Variants in REV3L observed in about 807,000 individuals in gnomAD.
REV3L encodes the protein REV3 like, DNA directed polymerase zeta catalytic subunit, also known as DNA polymerase zeta catalytic subunit.
A neutral mutation model predicts 299.4 loss-of-function variants in REV3L; 69 were observed. The observed-to-expected ratio is 0.23, with a 90% CI of 0.19 to 0.28. The LOEUF (loss-of-function observed/expected upper bound fraction) is 0.28, where lower values mean the gene tolerates loss of function less well. Among genes scored for constraint, REV3L ranks in the 10% least tolerant of loss-of-function variants. REV3L has a pLI of 1.00. For missense variants in REV3L, 3,128 were observed against 3,693.8 expected (o/e 0.85, Z 3.97); for synonymous variants, 1,238 against 1,271.4 (o/e 0.97, Z 0.56).
At chr6:111,340,697 AAAGTT>A (rs1776392294) in intron 21 of REV3L, among the ~76,000 whole-genome samples, 1 of 152,152 alleles carries the variant, frequency 6.6e-6, no homozygotes. Flanking sequence ...GTATTCACTT[AAAGTT>A]AAGAATGTAC....
At chr6:111,427,758 C>G (rs1443240062) in intron 1 of REV3L, among the ~76,000 whole-genome samples, 1 of 152,160 alleles carries the variant, frequency 6.6e-6, no homozygotes, top group Admixed American at 6.5e-5. Context: ...TATCCCTGTC[C>G]TAATAACTGG....
intron 21 of REV3L, among the ~76,000 whole-genome samples, chr6:111,342,628 A>C (rs944631260): frequency 4.0e-5 from 6 of 151,320 alleles, no homozygotes; most frequent in African/African-American, 9.7e-5. Context: ...AGACTGTGCC[A>C]CTGCACTCCA....
chr6:111,400,763 T>C (rs1488024664), intron 4 of REV3L, among the ~76,000 whole-genome samples: 1 of 152,192 alleles, frequency 6.6e-6, no homozygotes, highest in Non-Finnish European at 1.5e-5. Context: ...TTTGGTGTCA[T>C]ATCTAAAACT....
chr6:111,410,373 T>C (rs1385384814), intron 3 of REV3L, among the ~76,000 whole-genome samples: 1 of 152,238 alleles, frequency 6.6e-6, no homozygotes, highest in Non-Finnish European at 1.5e-5. Flanking sequence ...ATTGTATTTA[T>C]AATTTGTTTA....
At chr6:111,323,766 C>A (rs1774449011) in intron 25 of REV3L, among the ~76,000 whole-genome samples, 1 of 152,110 alleles carries the variant, frequency 6.6e-6, no homozygotes, top group African/African-American at 2.4e-5. Context: ...TGGAGCATTC[C>A]TTTTGCAATT....
intron 19 of REV3L, among the ~76,000 whole-genome samples, chr6:111,350,329 G>A (rs969782631): frequency 1.3e-5 from 2 of 152,004 alleles, no homozygotes; most frequent in African/African-American, 4.8e-5. Flanking sequence ...TTAAAAGTTT[G>A]TTTTTCATTT....
At chr6:111,361,431 C>CAAAAAAAAAAAAAA (rs1251828373) in intron 16 of REV3L, 1 of 106,974 alleles carries the variant, frequency 9.3e-6, no homozygotes, top group East Asian at 2.8e-4. Context: ...AAAAAAAAAA[C>CAAAAAAAAAAAAAA]AAAAAAAAAA....
intron 21 of REV3L, among the ~76,000 whole-genome samples, chr6:111,340,143 T>C (rs1252018602): frequency 6.6e-6 from 1 of 152,152 alleles, no homozygotes; most frequent in Non-Finnish European, 1.5e-5. Flanking sequence ...AATTCACTTA[T>C]TCTGAAGTTT....
At chr6:111,478,418 G>A (rs1793200956) in intron 1 of REV3L, among the ~76,000 whole-genome samples, 1 of 152,106 alleles carries the variant, frequency 6.6e-6, no homozygotes, top group Non-Finnish European at 1.5e-5. Context: ...ATTTGTTTGT[G>A]ATGAGTCATT....
At chr6:111,397,090 ATT>A (rs74625603) in intron 4 of REV3L, among the ~76,000 whole-genome samples, 1 of 140,084 alleles carries the variant, frequency 7.1e-6, no homozygotes. Context: ...GATCTTTTGT[ATT>A]TTTTTTTTTA....
At chr6:111,483,237 GA>G, upstream of REV3L, 1 of 476,024 alleles carries the variant, frequency 2.1e-6, no homozygotes, top group Non-Finnish European at 3.7e-6. Context: ...CCACTGGGGG[GA>G]GGGGAGAGGG....
intron 4 of REV3L, among the ~76,000 whole-genome samples, chr6:111,402,516 A>T (rs543491172): frequency 6.6e-6 from 1 of 152,230 alleles, no homozygotes; most frequent in Non-Finnish European, 1.5e-5. Context: ...GCACTTCTTT[A>T]TTGTTCATAA....
At chr6:111,361,553 T>C (rs527823726) in intron 16 of REV3L, 1 of 152,230 alleles carries the variant, frequency 6.6e-6, no homozygotes, top group South Asian at 2.1e-4. Context: ...CACTCAAAAT[T>C]TGCATTTCTA....
intron 1 of REV3L, among the ~76,000 whole-genome samples, chr6:111,432,795 A>T (rs1290555144): frequency 6.6e-6 from 1 of 152,202 alleles, no homozygotes; most frequent in African/African-American, 2.4e-5. Flanking sequence ...ATCATATCTG[A>T]GACAAAAAAC....
At chr6:111,443,227 C>T (rs1788479026) in intron 1 of REV3L, among the ~76,000 whole-genome samples, 1 of 151,822 alleles carries the variant, frequency 6.6e-6, no homozygotes, top group Non-Finnish European at 1.5e-5. Flanking sequence ...TGGCTCACTG[C>T]AACCTCCGCT....
chr6:111,326,282 A>C (rs546703347), intron 25 of REV3L, among the ~76,000 whole-genome samples: 188 of 152,328 alleles, frequency 1.2e-3, no homozygotes, highest in African/African-American at 4.4e-3. Flanking sequence ...CAAACAACTC[A>C]GTAGGAAAAA....
chr6:111,406,802 A>G, intron 3 of REV3L, among the ~76,000 whole-genome samples: 1 of 152,316 alleles, frequency 6.6e-6, no homozygotes, highest in East Asian at 1.9e-4. Context: ...TCCAATAATA[A>G]TATTGGAAAT....
At chr6:111,408,643 AAAAC>A (rs1228190310) in intron 3 of REV3L, among the ~76,000 whole-genome samples, 1 of 130,288 alleles carries the variant, frequency 7.7e-6, no homozygotes, top group East Asian at 2.4e-4. Flanking sequence ...AAAACAAAAC[AAAAC>A]AAAAACAACA....
At chr6:111,446,079 G>A (rs1047953168) in intron 1 of REV3L, among the ~76,000 whole-genome samples, 1 of 152,148 alleles carries the variant, frequency 6.6e-6, no homozygotes, top group Non-Finnish European at 1.5e-5. Flanking sequence ...GTGCTGTACA[G>A]ACATACATAA....
Sources: gnomAD v4.1 joint callset for allele counts (sites outside exome capture counted in the v4.1 genomes callset) on GRCh38, gnomAD v4.1.1 for gene constraint, MANE v1.5 for transcripts, NCBI Gene and HGNC (gene_info 2026-07-23, HGNC 2026-07-21) for gene names.